TRAPPC10: variants seen among roughly 807,000 people sequenced by gnomAD.
The protein encoded by TRAPPC10 is TRAPP 130 kDa subunit.
Under a neutral mutation model 125.5 loss-of-function variants are expected in TRAPPC10, and 23 were observed. That is an observed-to-expected ratio of 0.18 (90% CI 0.13 to 0.26). The LOEUF is 0.26. TRAPPC10 is among the 10% of genes least tolerant of loss of function. The pLI is 1.00. For synonymous variants in TRAPPC10, 509 were observed against 518.0 expected (o/e 0.98, Z 0.24); for missense variants, 1,123 against 1,308.4 (o/e 0.86, Z 2.19).
intron 1 of TRAPPC10, among the ~76,000 whole-genome samples, chr21:44,026,850 C>G (rs941019069): frequency 2.0e-5 from 3 of 152,158 alleles, no homozygotes; most frequent in Non-Finnish European, 4.4e-5. Flanking sequence ...TCTTCACCCC[C>G]CTCCACCCTC....
At chr21:44,029,790 G>A (rs1228480905) in intron 1 of TRAPPC10, among the ~76,000 whole-genome samples, 1 of 152,196 alleles carries the variant, frequency 6.6e-6, no homozygotes, top group African/African-American at 2.4e-5. Context: ...TTGGATTAGG[G>A]CCCATCCTGA....
chr21:44,061,143 A>T, intron 6 of TRAPPC10, among the ~76,000 whole-genome samples: 1 of 150,818 alleles, frequency 6.6e-6, no homozygotes, highest in East Asian at 2.0e-4. Context: ...ATTTAATTTT[A>T]TTTTATTTTT....
chr21:44,033,543 A>G (rs1399119940), intron 2 of TRAPPC10, among the ~76,000 whole-genome samples: 1 of 152,176 alleles, frequency 6.6e-6, no homozygotes. Flanking sequence ...GAAACAAGAT[A>G]ATTTTGAGAA....
At chr21:44,016,670 A>G (rs2031874243) in intron 1 of TRAPPC10, among the ~76,000 whole-genome samples, 1 of 151,944 alleles carries the variant, frequency 6.6e-6, no homozygotes, top group Non-Finnish European at 1.5e-5. Context: ...TTTAATTTTT[A>G]TTTTTTGAGA....
At position 44,052,301 on chromosome 21, in the gene TRAPPC10, A is replaced by G. The variant is rs1410350706; in HGVS notation, c.307A>G (p.Thr103Ala). The G allele has an allele frequency of 2.5e-6, 4 of 1,601,322 alleles. No homozygotes were observed. Among genetic ancestry groups the G allele is most frequent in the Admixed American group, 1.8e-5 (1 of 56,086 alleles). ...ECCDTEVYKATVKDDLTKWQN... is the reference protein window; with the variant it reads ...ECCDTEVYKAAVKDDLTKWQN... ...TTAGGATACCGAAGTGTATAAAGCT[A>G]CAGTAAAAGATGACCTCACCAAGTG... is the stretch of plus-strand genomic sequence containing the variant. The change falls in exon 4 of 23, where the codon ACA (threonine) becomes GCA (alanine). Residue 103 changes from threonine to alanine, a missense_variant. By Grantham distance (58) the Thr-to-Ala change is moderately conservative. Transcript: ENST00000291574.
chr21:44,075,024 G>T lies in TRAPPC10; in HGVS notation c.1186-15G>T. On this transcript the variant is annotated splice_polypyrimidine_tract_variant and intron_variant, in intron 8 of 22. Transcript: ENST00000291574. The stretch of plus-strand genomic sequence containing the variant: ...TTACGGCAAATTAATTGAAATTGTG[G>T]ATTTATCTTAACAGTTAAAGTCCTT... The T allele has an allele frequency of 6.5e-7, 1 of 1,541,338 alleles. No individual in the cohort carries two copies. Among genetic ancestry groups the T allele is most frequent in the Non-Finnish European group, 8.9e-7 (1 of 1,119,156 alleles).
At chr21:44,067,837 T>C (rs186350727) in intron 7 of TRAPPC10, among the ~76,000 whole-genome samples, 21 of 151,994 alleles carry the variant, frequency 1.4e-4, no homozygotes, top group Admixed American at 1.2e-3. Context: ...AAAGATTCAT[T>C]CAGGCTGGGC....
At chr21:44,052,239 C>T (rs753510827) in intron 3 of TRAPPC10, 41 bp from the exon 4 acceptor site, 3 of 1,505,574 alleles carry the variant, frequency 2.0e-6, no homozygotes, top group Non-Finnish European at 1.8e-6. Flanking sequence ...AACTAAAGGG[C>T]ATTAGTTAAC....
intron 5 of TRAPPC10, among the ~76,000 whole-genome samples, chr21:44,058,756 G>A (rs1448296115): frequency 6.6e-6 from 1 of 152,210 alleles, no homozygotes; most frequent in South Asian, 2.1e-4. Context: ...CTCGGGGAGC[G>A]AGAGGAACCA....
At chr21:44,037,707 A>G in intron 2 of TRAPPC10, 85 bp from the exon 3 acceptor site, 2 of 1,476,810 alleles carry the variant, frequency 1.4e-6, no homozygotes, top group Non-Finnish European at 1.8e-6. Context: ...CATGCATACC[A>G]TTACATTATT....
In TRAPPC10 at chr21:44,082,143, T is replaced by C. The variant is rs2037797682; in HGVS notation, c.1724-645T>C. Among the ~76,000 whole-genome samples the C allele has an allele frequency of 6.6e-6, 1 of 152,252 alleles. No homozygotes were observed. Among genetic ancestry groups the C allele is most frequent in the African/African-American group, 2.4e-5 (1 of 41,468 alleles). ...CTTGGCAAGTCCTTTCGTTGATGAA[T>C]ATTTAATAAATACTTAACTGGTCAC... On this transcript the variant is annotated intron_variant, in intron 13 of 22. Transcript: ENST00000291574. The surrounding 1 kb of genome is among the most constrained non-coding windows in gnomAD (Gnocchi z 4.4).
At chr21:44,045,296 C>G (rs896070153) in intron 3 of TRAPPC10, among the ~76,000 whole-genome samples, 5 of 152,120 alleles carry the variant, frequency 3.3e-5, no homozygotes, top group African/African-American at 1.2e-4. Flanking sequence ...TCCTGCTGAC[C>G]GAAGGATTTC....
intron 2 of TRAPPC10, among the ~76,000 whole-genome samples, chr21:44,032,730 T>TAA (rs778280566): frequency 3.3e-5 from 5 of 152,276 alleles, no homozygotes; most frequent in African/African-American, 9.6e-5. Context: ...GCAAGACAAT[T>TAA]ATTTTGAGTT....
intron 18 of TRAPPC10, among the ~76,000 whole-genome samples, chr21:44,090,534 G>C (rs2038501399): frequency 6.6e-6 from 1 of 152,164 alleles, no homozygotes; most frequent in Admixed American, 6.5e-5. Flanking sequence ...GTGTCCTCTG[G>C]GTGGGGCGGA....
At chr21:44,060,965 G>A (rs568742064) in intron 6 of TRAPPC10, among the ~76,000 whole-genome samples, 22 of 138,696 alleles carry the variant, frequency 1.6e-4, no homozygotes, top group Admixed American at 1.4e-4. Context: ...TTGAGACGGA[G>A]TCTTGCTTTG....
chr21:44,093,130 C>T (rs542934828), intron 19 of TRAPPC10, among the ~76,000 whole-genome samples: 4 of 152,234 alleles, frequency 2.6e-5, no homozygotes, highest in African/African-American at 7.2e-5. Flanking sequence ...ATGATATATT[C>T]CCCTGTTTTG....
chr21:44,071,785 C>T (rs1235995764), intron 7 of TRAPPC10, among the ~76,000 whole-genome samples: 4 of 152,184 alleles, frequency 2.6e-5, no homozygotes, highest in Non-Finnish European at 4.4e-5. Context: ...AGCATGGAGC[C>T]GGTGAGAACT....
At chr21:44,018,449 C>G (rs369663712) in intron 1 of TRAPPC10, among the ~76,000 whole-genome samples, 1 of 152,014 alleles carries the variant, frequency 6.6e-6, no homozygotes, top group Non-Finnish European at 1.5e-5. Flanking sequence ...GGCCATAATC[C>G]CAGCACTTTG....
intron 7 of TRAPPC10, among the ~76,000 whole-genome samples, chr21:44,064,435 G>A (rs138375915): frequency 1.2e-3 from 180 of 152,280 alleles, no homozygotes; most frequent in African/African-American, 4.1e-3. Flanking sequence ...ACATTGTAGT[G>A]AGATGAAAGG....
Sources: allele counts gnomAD v4.1 joint callset (sites outside exome capture counted in the v4.1 genomes callset), GRCh38; gene constraint gnomAD v4.1.1; non-coding constraint Gnocchi (gnomAD v3.1); transcripts MANE v1.5; gene names NCBI Gene and HGNC (gene_info 2026-07-23, HGNC 2026-07-21).